The following CCNB1IP1 variants were observed in gnomAD, a reference collection of about 807,000 sequenced individuals.
CCNB1IP1 encodes the protein cyclin B1 interacting protein 1, also known as E3 ubiquitin-protein ligase CCNB1IP1.
A neutral mutation model predicts 25.6 loss-of-function variants in CCNB1IP1; 14 were observed. The ratio of observed to expected loss-of-function variants is 0.55; its 90% CI spans 0.36 to 0.85. CCNB1IP1 has a LOEUF of 0.85. CCNB1IP1 is among the 40% of genes least tolerant of loss of function. The pLI is 0.01. For missense variants in CCNB1IP1, 278 were observed against 342.4 expected (o/e 0.81, Z 1.48); for synonymous variants, 119 against 116.1 (o/e 1.02, Z -0.16).
chr14:20,313,801 C>T lies in CCNB1IP1; in HGVS notation c.298G>A (p.Val100Ile). 1 of 1,544,958 alleles carries T rather than the reference C, an allele frequency of 6.5e-7. No individual in the cohort carries two copies. Among genetic ancestry groups the T allele is most frequent in the Non-Finnish European group, 8.7e-7 (1 of 1,150,230 alleles). The change falls in exon 6 of 7, where the codon GTA becomes ATA. Residue 100 changes from valine (V) to isoleucine (I), a missense_variant and splice_region_variant. Transcript: ENST00000358932. Reference protein sequence around the residue: ...SRALAFWTYQVHQERLYQEYN... With the variant: ...SRALAFWTYQIHQERLYQEYN... ...TCTTGATAGAGACGTTCCTGATGTA[C>T]CTGGTTCCAAAAGAAAAAAGATTTT...
chr14:20,330,999 A>G (rs531187794), intron 1 of CCNB1IP1: 1 of 152,340 alleles, frequency 6.6e-6, no homozygotes, highest in South Asian at 2.1e-4. Flanking sequence ...CTTCCATTGG[A>G]AAGAATGTAA....
intron 5 of CCNB1IP1, chr14:20,315,521 C>T (rs1882662447): frequency 8.6e-7 from 1 of 1,166,688 alleles, no homozygotes; most frequent in African/African-American, 1.7e-5. Flanking sequence ...TGACAGATGA[C>T]AAACATCCTT....
Position 20,311,847 on chromosome 14 carries a change from T to C in CCNB1IP1, c.632-95A>G, listed in dbSNP as rs183082512. The C allele has an allele frequency of 8.2e-4, 522 of 638,680 alleles. 3 individuals carry two copies. Among genetic ancestry groups the C allele is most frequent in the Middle Eastern group, 2.8e-3 (6 of 2,136 alleles). 39.6% of individuals were successfully genotyped at this position (638,680 alleles called of 1,614,324 possible). The stretch of plus-strand genomic sequence containing the variant: ...CATCAAATATATATATATGAATATA[T>C]ATTTTTTCTCCAATATTTGTCTTAG... On this transcript the variant is annotated intron_variant, in intron 6 of 6. Coordinates refer to ENST00000358932, the MANE Select transcript of CCNB1IP1 (RefSeq NM_021178.5).
chr14:20,329,838 A>T (rs2076396937), intron 1 of CCNB1IP1, among the ~76,000 whole-genome samples: 1 of 152,192 alleles, frequency 6.6e-6, no homozygotes, highest in Non-Finnish European at 1.5e-5. Context: ...CTAGATTTTA[A>T]TCCTGGCTCT....
intron 5 of CCNB1IP1, chr14:20,315,658 G>C (rs954301066): frequency 3.9e-6 from 5 of 1,270,274 alleles, no homozygotes; most frequent in Non-Finnish European, 5.1e-6. Flanking sequence ...TTAAGGATGC[G>C]TATTTGATAA....
intron 4 of CCNB1IP1, among the ~76,000 whole-genome samples, chr14:20,321,459 T>C (rs1296738686): frequency 2.1e-5 from 1 of 48,412 alleles, no homozygotes; most frequent in African/African-American, 2.5e-4. Flanking sequence ...TCAAGAATCT[T>C]TTTTTTTTTT....
chr14:20,317,153 A>T (rs940543086), intron 4 of CCNB1IP1, among the ~76,000 whole-genome samples: 1 of 152,060 alleles, frequency 6.6e-6, no homozygotes, highest in Non-Finnish European at 1.5e-5. Flanking sequence ...TCACCCCTGT[A>T]TAATTCCAGC....
At chr14:20,319,905 A>G (rs1419720757) in intron 4 of CCNB1IP1, among the ~76,000 whole-genome samples, 1 of 152,244 alleles carries the variant, frequency 6.6e-6, no homozygotes, top group African/African-American at 2.4e-5. Flanking sequence ...ACATGCACAC[A>G]TGTCAAGTTG....
chr14:20,331,853 G>A (rs1286241299), intron 1 of CCNB1IP1, among the ~76,000 whole-genome samples: 2 of 151,040 alleles, frequency 1.3e-5, no homozygotes, highest in African/African-American at 2.4e-5. Context: ...ACACATATTT[G>A]CTTATATGCA....
At chr14:20,321,195 A>G (rs1164578982) in intron 4 of CCNB1IP1, among the ~76,000 whole-genome samples, 2 of 152,214 alleles carry the variant, frequency 1.3e-5, no homozygotes, top group East Asian at 1.9e-4. Flanking sequence ...CAGTCTGAAG[A>G]TATTATAATT....
chr14:20,313,856 T>C, intron 5 of CCNB1IP1, 55 bp from the exon 6 acceptor site: 1 of 1,277,802 alleles, frequency 7.8e-7, no homozygotes. Flanking sequence ...TTATATATTG[T>C]AAAATGTTAT....
chr14:20,324,011 T>C (rs945761016), intron 4 of CCNB1IP1, among the ~76,000 whole-genome samples: 2 of 151,522 alleles, frequency 1.3e-5, no homozygotes, highest in African/African-American at 2.4e-5. Context: ...GATAACAAGT[T>C]AGTACCAAAA....
chr14:20,313,000 A>G (rs1453501864), intron 6 of CCNB1IP1, among the ~76,000 whole-genome samples: 3 of 152,198 alleles, frequency 2.0e-5, no homozygotes, highest in African/African-American at 4.8e-5. Flanking sequence ...AATGGTTAAG[A>G]GTATAGGCTC....
rs1883058929 is a variant in CCNB1IP1 at position 20,325,839 on chromosome 14, C to T, written c.-152-186G>A. 4.0e-5 allele frequency among the ~76,000 whole-genome samples: 6 copies of T among 151,690 alleles called. No individual in the cohort carries two copies. In the South Asian group the frequency reaches 1.2e-3, roughly 31 times the overall value. On this transcript the variant is annotated intron_variant, in intron 3 of 6. Transcript: ENST00000358932. The stretch of plus-strand genomic sequence containing the variant: ...TTTAAAATATTACAATACATGAATA[C>T]AATAAAATTAGAAAATAGGTTTATA...
In CCNB1IP1 at chr14:20,332,006, A is replaced by ATATAT. The variant is rs1491283363; in HGVS notation, c.-431+1243_-431+1247dup. Reference sequence around the variant, plus strand: ...ATATATATATATATGATGTGTATACATATATATATATATATATATATTTTT... The same window carrying ATATAT: ...ATATATATATATATGATGTGTATACATATATTATATATATATATATATATATTTTT... On this transcript the variant is annotated intron_variant, in intron 1 of 6. Coordinates refer to ENST00000358932, the MANE Select transcript of CCNB1IP1 (RefSeq NM_021178.5). Among the ~76,000 whole-genome samples the ATATAT allele has an allele frequency of 3.3e-5, 2 of 61,238 alleles. 1 individual carries two copies. Among genetic ancestry groups the ATATAT allele is most frequent in the African/African-American group, 1.9e-4 (2 of 10,534 alleles). 40.2% of individuals were successfully genotyped at this position (61,238 alleles called of 152,430 possible).
intron 1 of CCNB1IP1, among the ~76,000 whole-genome samples, chr14:20,332,026 A>ATT (rs57345952): frequency 1.3e-3 from 55 of 40,742 alleles, no homozygotes; most frequent in African/African-American, 1.7e-3. Context: ...ATATATATAT[A>ATT]TTTTTTTTTT....
chr14:20,331,423 T>A (rs1320040307), intron 1 of CCNB1IP1, among the ~76,000 whole-genome samples: 1 of 152,214 alleles, frequency 6.6e-6, no homozygotes, highest in African/African-American at 2.4e-5. Context: ...TATTGCTCAA[T>A]CAAGTTTAGA....
At chr14:20,315,993 T>C (rs1387231352) in intron 5 of CCNB1IP1, 10 of 512,942 alleles carry the variant, frequency 1.9e-5, no homozygotes, top group Admixed American at 1.3e-4. Context: ...TGTGTGTGTG[T>C]GTATACCCAA....
chr14:20,320,317 G>A (rs575524573), intron 4 of CCNB1IP1: 2 of 456,000 alleles, frequency 4.4e-6, no homozygotes, highest in Admixed American at 2.3e-5. Context: ...AGGCCAGAGT[G>A]ACCACGACAT....
Sources: gnomAD v4.1 joint callset for allele counts (sites outside exome capture counted in the v4.1 genomes callset) on GRCh38, gnomAD v4.1.1 for gene constraint, MANE v1.5 for transcripts, NCBI Gene and HGNC (gene_info 2026-07-23, HGNC 2026-07-21) for gene names.